URI1: variants seen among roughly 807,000 people sequenced by gnomAD.
URI1 encodes the protein unconventional prefoldin RPB5 interactor 1.
In URI1, 39 loss-of-function variants were observed where a neutral mutation model predicts 60.2. The observed-to-expected ratio is 0.65, with a 90% CI of 0.50 to 0.85. The LOEUF is 0.85. URI1 is among the 40% of genes least tolerant of loss of function. URI1 has a pLI of 0.00. For synonymous variants in URI1, 251 were observed against 236.8 expected, an observed-to-expected ratio of 1.06 and a Z score of -0.55; for missense variants, 691 against 665.9, an observed-to-expected ratio of 1.04 and a Z score of -0.42.
intron 1 of URI1, among the ~76,000 whole-genome samples, chr19:29,953,795 G>A (rs2055208898): frequency 2.0e-5 from 3 of 151,738 alleles, no homozygotes; most frequent in Admixed American, 1.3e-4. Context: ...CTAGGATCCT[G>A]TAGTGTATCT....
At chr19:29,954,862 T>A (rs1261612906) in intron 1 of URI1, among the ~76,000 whole-genome samples, 4 of 152,016 alleles carry the variant, frequency 2.6e-5, no homozygotes, top group Non-Finnish European at 2.9e-5. Flanking sequence ...TTCCTCTGTT[T>A]CTTCTTCAAA....
chr19:30,003,479 A>G (rs775980329), intron 4 of URI1, among the ~76,000 whole-genome samples: 3 of 152,082 alleles, frequency 2.0e-5, no homozygotes, highest in Non-Finnish European at 4.4e-5. Context: ...AGTGGTTTAT[A>G]TTAATGTATG....
At chr19:30,009,397 C>T in intron 8 of URI1, 44 bp downstream of exon 8, 1 of 1,489,014 alleles carries the variant, frequency 6.7e-7, no homozygotes, top group South Asian at 1.2e-5. Context: ...ATAATTTGAA[C>T]ATTAAGCATT....
intron 7 of URI1, among the ~76,000 whole-genome samples, chr19:30,008,155 CTT>C (rs1025734795): frequency 1.3e-5 from 2 of 152,040 alleles, no homozygotes; most frequent in Admixed American, 1.3e-4. Flanking sequence ...GTATGAGAAA[CTT>C]TACGAAATTG....
At chr19:29,952,638 T>G (rs997458656) in intron 1 of URI1, among the ~76,000 whole-genome samples, 4 of 152,080 alleles carry the variant, frequency 2.6e-5, no homozygotes, top group African/African-American at 9.6e-5. Flanking sequence ...TTTAAAAAAC[T>G]TACAGGAGTA....
intron 3 of URI1, among the ~76,000 whole-genome samples, chr19:29,985,958 A>G (rs1237616315): frequency 6.6e-6 from 1 of 152,192 alleles, no homozygotes. Context: ...TTTCACTACT[A>G]GTTGCTTTCA....
At chr19:30,010,447 T>C (rs547792413) in intron 8 of URI1, among the ~76,000 whole-genome samples, 2 of 152,328 alleles carry the variant, frequency 1.3e-5, no homozygotes, top group East Asian at 3.9e-4. Context: ...TTTAATCTTT[T>C]GCCAGGCTTT....
chr19:29,952,886 C>G (rs2055196868), intron 1 of URI1, among the ~76,000 whole-genome samples: 1 of 152,178 alleles, frequency 6.6e-6, no homozygotes, highest in African/African-American at 2.4e-5. Flanking sequence ...TCCCCCAAAC[C>G]CCAAGTCATT....
intron 1 of URI1, 35 bp from the exon 2 acceptor site, chr19:29,971,158 G>GT (rs761664810): frequency 1.9e-6 from 3 of 1,609,660 alleles, no homozygotes; most frequent in South Asian, 2.2e-5. Context: ...GCATAGCTCT[G>GT]TTTTTTCATG....
At chr19:29,940,022 T>C (rs1475742014), upstream of URI1, among the ~76,000 whole-genome samples, 4 of 152,276 alleles carry the variant, frequency 2.6e-5, no homozygotes, top group Admixed American at 6.5e-5. Context: ...GAGTGGATAA[T>C]AGTTTAGAGG....
At chr19:29,923,719 A>C in exon 1 of URI1, 1 of 1,536,762 alleles carries the variant, frequency 6.5e-7, no homozygotes, top group East Asian at 2.4e-5. Context: ...CCTTCAAGGA[A>C]GCCACGTTTC....
intron 4 of URI1, among the ~76,000 whole-genome samples, chr19:29,993,799 C>T (rs981652473): frequency 2.6e-4 from 39 of 152,158 alleles, no homozygotes; most frequent in African/African-American, 8.9e-4. Context: ...TCGCTGTTAT[C>T]AGTATCTTAC....
intron 10 of URI1, among the ~76,000 whole-genome samples, chr19:30,013,613 A>G (rs781217923): frequency 2.6e-5 from 4 of 152,180 alleles, no homozygotes; most frequent in Non-Finnish European, 5.9e-5. Context: ...TTTCACCCTT[A>G]GTAGCTTTGC....
At chr19:29,977,521 G>A (rs1410729717) in intron 2 of URI1, among the ~76,000 whole-genome samples, 1 of 150,294 alleles carries the variant, frequency 6.7e-6, no homozygotes, top group African/African-American at 2.4e-5. Context: ...TTTTGTAGAG[G>A]GCCTTCTGTT....
chr19:29,982,595 G>A (rs2055612743), intron 2 of URI1, among the ~76,000 whole-genome samples: 2 of 152,154 alleles, frequency 1.3e-5, no homozygotes, highest in African/African-American at 4.8e-5. Context: ...AATAGTGAGT[G>A]TTGACTGTCT....
At chr19:29,988,433 G>A (rs553927031) in intron 4 of URI1, among the ~76,000 whole-genome samples, 32 of 152,276 alleles carry the variant, frequency 2.1e-4, no homozygotes, top group African/African-American at 7.7e-4. Flanking sequence ...TAGGATACAA[G>A]ATACTGCTCT....
Position 29,942,682 on chromosome 19 carries a change from G to C in URI1, c.117+18G>C. 7.3e-7 allele frequency: 1 copy of C among 1,368,710 alleles called. No homozygotes were observed. Among genetic ancestry groups the C allele is most frequent in the African/African-American group, 1.5e-5 (1 of 66,376 alleles). The allele number at this position is 1,368,710 out of a possible 1,614,324, so 84.8% of individuals were successfully genotyped here. On this transcript the variant is annotated intron_variant, in intron 1 of 10. Coordinates refer to ENST00000392271, the MANE Select transcript of URI1 (RefSeq NM_003796.3). ...AGGAAAAGGTAACTAGCAGCCCCGC[G>C]CCGCTTCCGCCTCCGCCCGCCGGGC...
intron 10 of URI1, among the ~76,000 whole-genome samples, chr19:30,013,098 G>C: frequency 6.7e-6 from 1 of 150,310 alleles, no homozygotes; most frequent in Admixed American, 6.6e-5. Flanking sequence ...ACAGTTTTTG[G>C]TGGTGGTGCA....
At chr19:29,964,459 G>GTTT (rs202018051) in intron 1 of URI1, among the ~76,000 whole-genome samples, 42 of 133,366 alleles carry the variant, frequency 3.1e-4, no homozygotes, top group African/African-American at 7.3e-4. Context: ...TTTGTTTTTT[G>GTTT]TTTTGTTTTT....
Sources: gnomAD v4.1 joint callset for allele counts (sites outside exome capture counted in the v4.1 genomes callset) on GRCh38, gnomAD v4.1.1 for gene constraint, MANE v1.5 for transcripts, NCBI Gene and HGNC (gene_info 2026-07-23, HGNC 2026-07-21) for gene names.